The following GNAQ variants were observed in gnomAD, a reference collection of about 807,000 sequenced individuals.
The protein encoded by GNAQ is G protein subunit alpha q.
In GNAQ, 8 loss-of-function variants were observed where a neutral mutation model predicts 43.9. The observed-to-expected ratio is 0.18, with a 90% CI of 0.11 to 0.33. The LOEUF (loss-of-function observed/expected upper bound fraction) is 0.33, where lower values mean the gene tolerates loss of function less well. GNAQ is among the 10% of genes least tolerant of loss of function. GNAQ has a pLI of 1.00. For synonymous variants in GNAQ, 155 were observed against 170.7 expected (o/e 0.91, Z 0.71); for missense variants, 158 against 450.8 (o/e 0.35, Z 5.88).
intron 1 of GNAQ, among the ~76,000 whole-genome samples, chr9:77,970,948 C>T (rs1325372464): frequency 1.3e-5 from 2 of 152,042 alleles, no homozygotes; most frequent in Admixed American, 6.5e-5. Context: ...AAGGGGATAT[C>T]ACCACCGATC....
At chr9:78,023,333 T>A (rs1295904019) in intron 1 of GNAQ, among the ~76,000 whole-genome samples, 1 of 152,222 alleles carries the variant, frequency 6.6e-6, no homozygotes, top group East Asian at 1.9e-4. Flanking sequence ...AGCCACATGA[T>A]GTCTCACAGA....
chr9:77,994,104 TCTC>T (rs1403448500), intron 1 of GNAQ, among the ~76,000 whole-genome samples: 4 of 152,122 alleles, frequency 2.6e-5, no homozygotes, highest in Admixed American at 1.3e-4. Flanking sequence ...GCAGCTTTGA[TCTC>T]CTGGGCTCAA....
intron 1 of GNAQ, among the ~76,000 whole-genome samples, chr9:77,965,557 T>G (rs1167929847): frequency 1.3e-5 from 2 of 152,158 alleles, no homozygotes; most frequent in Non-Finnish European, 2.9e-5. Context: ...GGTTTCACAC[T>G]TTATCGAAAA....
At chr9:77,852,595 G>A (rs990292955) in intron 2 of GNAQ, among the ~76,000 whole-genome samples, 2 of 152,284 alleles carry the variant, frequency 1.3e-5, no homozygotes. Context: ...TTCACAGCAA[G>A]GTGAATTTAC....
chr9:77,886,833 G>T (rs1027163238), intron 2 of GNAQ, among the ~76,000 whole-genome samples: 2 of 151,960 alleles, frequency 1.3e-5, no homozygotes, highest in African/African-American at 2.4e-5. Context: ...ATACGCAGCC[G>T]GGCACGGTGG....
intron 2 of GNAQ, among the ~76,000 whole-genome samples, chr9:77,891,240 A>G (rs368367183): frequency 1.3e-5 from 2 of 152,038 alleles, no homozygotes; most frequent in African/African-American, 4.8e-5. Context: ...TTTCTTGCCT[A>G]TTCTCAGTAG....
At chr9:77,895,179 C>G (rs1427988416) in intron 2 of GNAQ, among the ~76,000 whole-genome samples, 1 of 136,174 alleles carries the variant, frequency 7.3e-6, no homozygotes, top group Non-Finnish European at 1.6e-5. Flanking sequence ...GCCTGGGTGA[C>G]AGAGCGAGAC....
intron 2 of GNAQ, among the ~76,000 whole-genome samples, chr9:77,822,721 C>T (rs1827137286): frequency 6.6e-6 from 1 of 151,094 alleles, no homozygotes; most frequent in African/African-American, 2.4e-5. Flanking sequence ...AATCTGACCA[C>T]TGAAGCTTCA....
intron 1 of GNAQ, among the ~76,000 whole-genome samples, chr9:77,975,534 C>T (rs531183962): frequency 2.1e-5 from 3 of 141,000 alleles, no homozygotes; most frequent in East Asian, 2.2e-4. Context: ...TATCAGCCCC[C>T]CCTTTTTTTT....
rs148105607 is a variant in GNAQ, at chr9:77,756,378, C to T, written c.736-27711G>A. ...ACAGCAACCTGACTGAAAGTCTGGT[C>T]TGCCCCTATGGCACAGACTATTCAC... On this transcript the variant is annotated intron_variant, in intron 5 of 6. Transcript: ENST00000286548. 1.5e-3 allele frequency among the ~76,000 whole-genome samples: 232 copies of T among 152,364 alleles called. 2 individuals are homozygous for T. The highest frequency in any genetic ancestry group is 4.3e-3 in the African/African-American group (177 of 41,590).
At chr9:77,837,154 T>C (rs1322439062) in intron 2 of GNAQ, among the ~76,000 whole-genome samples, 1 of 152,186 alleles carries the variant, frequency 6.6e-6, no homozygotes, top group African/African-American at 2.4e-5. Flanking sequence ...TATATTTACA[T>C]GGAAAGACAT....
chr9:77,819,724 T>C (rs1827081642), intron 2 of GNAQ, among the ~76,000 whole-genome samples: 1 of 152,004 alleles, frequency 6.6e-6, no homozygotes, highest in African/African-American at 2.4e-5. Context: ...TAAGTGCTTA[T>C]TTCCTTTTGG....
chr9:77,959,423 G>A (rs1009974633), intron 1 of GNAQ, among the ~76,000 whole-genome samples: 12 of 152,206 alleles, frequency 7.9e-5, no homozygotes, highest in African/African-American at 2.9e-4. Flanking sequence ...ATTAGTAAAT[G>A]TGTGATATTC....
intron 5 of GNAQ, among the ~76,000 whole-genome samples, chr9:77,778,959 C>G (rs1826346635): frequency 6.6e-6 from 1 of 151,884 alleles, no homozygotes; most frequent in African/African-American, 2.4e-5. Context: ...AACAGATAAA[C>G]CCGCTATTAC....
At chr9:77,877,572 T>C (rs979989873) in intron 2 of GNAQ, among the ~76,000 whole-genome samples, 1 of 152,194 alleles carries the variant, frequency 6.6e-6, no homozygotes, top group Non-Finnish European at 1.5e-5. Context: ...TCCACCAAAT[T>C]ATGCTTTTTA....
At chr9:77,910,586 G>T (rs970848227) in intron 2 of GNAQ, among the ~76,000 whole-genome samples, 1 of 152,084 alleles carries the variant, frequency 6.6e-6, no homozygotes, top group African/African-American at 2.4e-5. Flanking sequence ...TGCTAAAGCA[G>T]AGTTCGCTCA....
intron 2 of GNAQ, among the ~76,000 whole-genome samples, chr9:77,893,537 T>G (rs980593428): frequency 6.6e-6 from 1 of 152,240 alleles, no homozygotes. Flanking sequence ...GAGCAGCCCA[T>G]GCTGCTGTTC....
chr9:77,727,915 G>C (rs1323766630), intron 6 of GNAQ, among the ~76,000 whole-genome samples: 2 of 152,104 alleles, frequency 1.3e-5, no homozygotes, highest in Admixed American at 6.5e-5. Flanking sequence ...AGACACAGAG[G>C]GGACTATAAG....
At chr9:77,732,774 C>A (rs955043532) in intron 5 of GNAQ, among the ~76,000 whole-genome samples, 2 of 152,156 alleles carry the variant, frequency 1.3e-5, no homozygotes, top group African/African-American at 4.8e-5. Flanking sequence ...GTTGTCCTCA[C>A]CCACCACTTC....
Sources: gnomAD v4.1 joint callset for allele counts (sites outside exome capture counted in the v4.1 genomes callset) on GRCh38, gnomAD v4.1.1 for gene constraint, MANE v1.5 for transcripts, NCBI Gene and HGNC (gene_info 2026-07-23, HGNC 2026-07-21) for gene names.